The following TENM3 variants were observed in gnomAD, a reference collection of about 807,000 sequenced individuals.
The protein encoded by TENM3 is teneurin-3.
TENM3 carries 63 observed loss-of-function variants against 255.1 expected under a neutral mutation model. The ratio of observed to expected loss-of-function variants is 0.25; its 90% CI spans 0.20 to 0.30. The LOEUF is 0.30. TENM3 is among the 10% of genes least tolerant of loss of function. The pLI is 1.00. For synonymous variants in TENM3, 1,306 were observed against 1,322.3 expected, an observed-to-expected ratio of 0.99 and a Z score of 0.27; for missense variants, 2,929 against 3,461.1, an observed-to-expected ratio of 0.85 and a Z score of 3.86.
chr4:182,422,068 T>C (rs1314159676), intron 3 of TENM3, among the ~76,000 whole-genome samples: 1 of 152,230 alleles, frequency 6.6e-6, no homozygotes, highest in Admixed American at 6.5e-5. Context: ...ATCTCCAAGC[T>C]CAGTCTTCCT....
At chr4:182,731,269 G>T (rs1760679587) in intron 16 of TENM3, 130 bp downstream of exon 16, 1 of 843,418 alleles carries the variant, frequency 1.2e-6, no homozygotes, top group African/African-American at 1.7e-5. Context: ...GCTTTGGGAG[G>T]CCGAGGTGGG....
chr4:181,859,252 A>AAAC, the TENM3 span, among the ~76,000 whole-genome samples: 1 of 150,828 alleles, frequency 6.6e-6, no homozygotes, highest in Non-Finnish European at 1.5e-5. Flanking sequence ...CAAAAAAAAA[A>AAAC]AAAAAAAAAA....
chr4:182,214,828 G>A (rs922125531), intron 1 of TENM3, among the ~76,000 whole-genome samples: 1 of 152,088 alleles, frequency 6.6e-6, no homozygotes, highest in African/African-American at 2.4e-5. Context: ...TATGACTAAG[G>A]AGCATTCTTT....
At chr4:182,755,324 A>G in intron 22 of TENM3, 65 bp downstream of exon 22, 2 of 1,299,158 alleles carry the variant, frequency 1.5e-6, no homozygotes, top group Non-Finnish European at 2.1e-6. Context: ...ATCTATAATA[A>G]CAATATAATC....
intron 1 of TENM3, among the ~76,000 whole-genome samples, chr4:182,253,391 T>A (rs1758164249): frequency 6.6e-6 from 1 of 152,154 alleles, no homozygotes; most frequent in Non-Finnish European, 1.5e-5. Flanking sequence ...GAGAATCACT[T>A]GCACCCAGGA....
chr4:182,349,164 G>C (rs1043791385), intron 3 of TENM3, among the ~76,000 whole-genome samples: 48 of 152,228 alleles, frequency 3.2e-4, no homozygotes, highest in African/African-American at 1.1e-3. Context: ...TTGTTGAGCT[G>C]GGCAACATGA....
At chr4:181,597,119 T>C in the TENM3 span, among the ~76,000 whole-genome samples, 3 of 152,240 alleles carry the variant, frequency 2.0e-5, no homozygotes, top group Admixed American at 1.3e-4. Flanking sequence ...CATTGTTTCA[T>C]GAAACTTTTG....
At chr4:182,374,178 T>G (rs1272919556) in intron 3 of TENM3, among the ~76,000 whole-genome samples, 1 of 152,210 alleles carries the variant, frequency 6.6e-6, no homozygotes, top group Admixed American at 6.5e-5. Context: ...ATCATTCAGA[T>G]ATCCCTTTCT....
chr4:181,653,734 G>C, the TENM3 span, among the ~76,000 whole-genome samples: 2 of 149,062 alleles, frequency 1.3e-5, no homozygotes, highest in African/African-American at 5.0e-5. Context: ...ATGGGATACA[G>C]GTGCAGAACG....
At chr4:182,587,270 A>G (rs9312300) in intron 3 of TENM3, among the ~76,000 whole-genome samples, 50,472 of 151,684 alleles carry the variant, frequency 0.33, 9,701 homozygotes, top group East Asian at 0.48. Flanking sequence ...ATTAATTTTC[A>G]CATTTTTTTG....
At chr4:181,623,744 T>C in the TENM3 span, among the ~76,000 whole-genome samples, 2 of 152,272 alleles carry the variant, frequency 1.3e-5, no homozygotes, top group Admixed American at 1.3e-4. Flanking sequence ...AATATCAAGC[T>C]ATCAGCAAGA....
Position 182,729,153 on chromosome 4 carries a change from A to G in TENM3, c.2557A>G (p.Ile853Val). The G allele has an allele frequency of 6.2e-7, 1 of 1,613,964 alleles. No homozygotes were observed. The highest frequency in any genetic ancestry group is 1.3e-5 in the African/African-American group (1 of 75,036). Reference protein sequence around the residue: ...FLIGSDSTHVIPGESPFNKSL... With the variant: ...FLIGSDSTHVVPGESPFNKSL... ...TATAGGATCTGATAGCACCCATGTT[A>G]TACCTGGAGAAAGTCCTTTCAATAA... is the stretch of plus-strand genomic sequence containing the variant. The change falls in exon 14 of 28, where the codon ATA becomes GTA. Residue 853 changes from isoleucine (I) to valine (V), a missense_variant. Around this residue, in one of 6 missense-constraint regions of TENM3, gnomAD observed 1,608 missense variants for 1,884.4 expected, o/e 0.85. Coordinates refer to ENST00000511685, the MANE Select transcript of TENM3 (RefSeq NM_001080477.4).
intron 2 of TENM3, among the ~76,000 whole-genome samples, chr4:182,345,998 G>A (rs1016941300): frequency 2.0e-5 from 3 of 152,120 alleles, no homozygotes; most frequent in Non-Finnish European, 4.4e-5. Context: ...TACAAAATAT[G>A]CAGCAAATTT....
the TENM3 span, among the ~76,000 whole-genome samples, chr4:181,640,672 C>T: frequency 6.6e-6 from 1 of 152,302 alleles, no homozygotes; most frequent in South Asian, 2.1e-4. Flanking sequence ...GCTCTGTGCA[C>T]CTAAGTCACC....
chr4:182,013,915 A>G, the TENM3 span, among the ~76,000 whole-genome samples: 1 of 148,868 alleles, frequency 6.7e-6, no homozygotes, highest in Admixed American at 6.7e-5. Context: ...AATACTTTAT[A>G]TTATATATAC....
intron 3 of TENM3, among the ~76,000 whole-genome samples, chr4:182,455,617 AGTG>A (rs1184444849): frequency 2.4e-5 from 3 of 127,346 alleles, no homozygotes; most frequent in Non-Finnish European, 3.1e-5. Context: ...GCTGGAGTGC[AGTG>A]GCATGATCTC....
chr4:182,408,712 T>C (rs1769758935), intron 3 of TENM3, among the ~76,000 whole-genome samples: 1 of 152,266 alleles, frequency 6.6e-6, no homozygotes, highest in Non-Finnish European at 1.5e-5. Context: ...TATACTTTTC[T>C]TATTAACATT....
the TENM3 span, among the ~76,000 whole-genome samples, chr4:182,107,468 A>G: frequency 6.6e-6 from 1 of 152,204 alleles, no homozygotes; most frequent in Non-Finnish European, 1.5e-5. Flanking sequence ...TTTTCTCAGG[A>G]TGTTGCATTC....
the TENM3 span, among the ~76,000 whole-genome samples, chr4:181,735,757 C>G: frequency 6.6e-6 from 1 of 152,060 alleles, no homozygotes; most frequent in African/African-American, 2.4e-5. Flanking sequence ...CTTGATTTGT[C>G]TTTCCTTAGT....
Sources: allele counts gnomAD v4.1 joint callset (sites outside exome capture counted in the v4.1 genomes callset), GRCh38; gene constraint gnomAD v4.1.1; regional missense constraint gnomAD v4.1.1; transcripts MANE v1.5; gene names NCBI Gene and HGNC (gene_info 2026-07-23, HGNC 2026-07-21).